SCN9A: variants seen among roughly 807,000 people sequenced by gnomAD.
SCN9A encodes sodium channel protein type 9 subunit alpha.
In SCN9A, 131 loss-of-function variants were observed where a neutral mutation model predicts 187.0. The observed-to-expected ratio is 0.70, with a 90% CI of 0.61 to 0.81. SCN9A has a LOEUF of 0.81. SCN9A is among the 30% of genes least tolerant of loss of function. The pLI, the probability that SCN9A is intolerant of heterozygous loss-of-function variation, is 0.00. For synonymous variants in SCN9A, 809 were observed against 808.6 expected (o/e 1.00, Z -0.01); for missense variants, 2,252 against 2,396.6 (o/e 0.94, Z 1.26).
At chr2:166,270,900 C>A (rs979999109) in intron 17 of SCN9A, among the ~76,000 whole-genome samples, 8 of 151,802 alleles carry the variant, frequency 5.3e-5, no homozygotes, top group African/African-American at 1.9e-4. Context: ...CAAATACTTT[C>A]TAACATGAGC....
chr2:166,199,985 T>A lies in SCN9A; in HGVS notation c.4775-121A>T, dbSNP rs1490474914. 9.9e-6 allele frequency: 3 copies of A among 303,282 alleles called. No homozygotes were observed. In the African/African-American group the frequency reaches 2.1e-4, roughly 21 times the overall value. The allele number at this position is 303,282 out of a possible 1,614,324, so 18.8% of individuals were successfully genotyped here. On this transcript the variant is annotated intron_variant, in intron 26 of 26. Transcript: ENST00000642356. ...TATGAATTCAAGACAGTTTTTTTTT[T>A]TTTTTTTTTTTTTTTTTTTTTTTTT...
intron 17 of SCN9A, among the ~76,000 whole-genome samples, chr2:166,263,036 G>A (rs543762865): frequency 6.6e-6 from 1 of 152,028 alleles, no homozygotes; most frequent in South Asian, 2.1e-4. Context: ...GGGCCTTATC[G>A]TGGCAGAAGG....
intron 1 of SCN9A, among the ~76,000 whole-genome samples, chr2:166,312,887 G>GATGA (rs1699004112): frequency 6.6e-6 from 1 of 151,030 alleles, no homozygotes; most frequent in African/African-American, 2.4e-5. Context: ...GCTGTAAACA[G>GATGA]ACGTGCTGTC....
chr2:166,366,660 C>G (rs1003521529), intron 1 of SCN9A, among the ~76,000 whole-genome samples: 2 of 152,132 alleles, frequency 1.3e-5, no homozygotes, highest in Non-Finnish European at 2.9e-5. Context: ...ACACCTTTCA[C>G]TTTTTTATAA....
chr2:166,334,826 C>T (rs745552432), intron 1 of SCN9A, among the ~76,000 whole-genome samples: 3 of 152,122 alleles, frequency 2.0e-5, no homozygotes, highest in Admixed American at 6.6e-5. Context: ...CAAATTAAGT[C>T]ATGTGAGCTT....
At chr2:166,343,476 CT>C (rs1442309962) in intron 1 of SCN9A, among the ~76,000 whole-genome samples, 1 of 151,976 alleles carries the variant, frequency 6.6e-6, no homozygotes, top group African/African-American at 2.4e-5. Flanking sequence ...AAGAGGGAAC[CT>C]TTGGTTTGAG....
At position 166,196,646 on chromosome 2, in the gene SCN9A, T is replaced by A. The variant is rs1693255088; in HGVS notation, c.*2026A>T. ...TGTTAAATTCTTAATTGAATGTATT[T>A]AAAAATCTGATAAATGTAATATATT... On this transcript the variant is annotated 3_prime_UTR_variant, in exon 27 of 27. Transcript: ENST00000642356. 6.6e-6 allele frequency: 1 copy of A among 152,150 alleles called. No homozygotes were observed. Among genetic ancestry groups the A allele is most frequent in the Non-Finnish European group, 1.5e-5 (1 of 67,966 alleles). The allele number at this position is 152,150 out of a possible 1,614,324, so 9.4% of individuals were successfully genotyped here.
chr2:166,324,975 A>G (rs1699329314), intron 1 of SCN9A, among the ~76,000 whole-genome samples: 1 of 152,190 alleles, frequency 6.6e-6, no homozygotes, highest in Admixed American at 6.5e-5. Context: ...TGTTAATAAT[A>G]ATGATGTATC....
intron 20 of SCN9A, among the ~76,000 whole-genome samples, chr2:166,235,938 A>G (rs1695299933): frequency 6.6e-6 from 1 of 152,130 alleles, no homozygotes; most frequent in South Asian, 2.1e-4. Flanking sequence ...AAACAGCCAT[A>G]TCTCTTAATT....
At chr2:166,229,260 T>A (rs756852009) in intron 21 of SCN9A, among the ~76,000 whole-genome samples, 9 of 151,966 alleles carry the variant, frequency 5.9e-5, no homozygotes, top group Middle Eastern at 3.4e-3. Flanking sequence ...ACTAAGATAA[T>A]ATAATAGCTT....
intron 22 of SCN9A, 74 bp from the exon 23 acceptor site, chr2:166,227,797 GT>G (rs1484495334): frequency 1.3e-6 from 1 of 777,504 alleles, no homozygotes; most frequent in African/African-American, 1.7e-5. Context: ...AGTTTTGTCT[GT>G]TTAATGTTAC....
chr2:166,324,394 A>C (rs187773100), intron 1 of SCN9A, among the ~76,000 whole-genome samples: 2 of 152,162 alleles, frequency 1.3e-5, no homozygotes. Flanking sequence ...TATTTAAGAC[A>C]GTGGACAAAT....
chr2:166,214,163 C>G (rs1193187485), intron 24 of SCN9A, among the ~76,000 whole-genome samples: 1 of 152,050 alleles, frequency 6.6e-6, no homozygotes, highest in East Asian at 1.9e-4. Context: ...TTTATAGGCC[C>G]TGACACAGAG....
chr2:166,297,915 C>G (rs1698387537), intron 7 of SCN9A, among the ~76,000 whole-genome samples: 1 of 151,702 alleles, frequency 6.6e-6, no homozygotes, highest in African/African-American at 2.4e-5. Flanking sequence ...GATATTAAAT[C>G]TAATGAAGAT....
intron 1 of SCN9A, among the ~76,000 whole-genome samples, chr2:166,351,527 G>C (rs900344516): frequency 4.6e-5 from 7 of 152,162 alleles, no homozygotes; most frequent in Admixed American, 4.6e-4. Context: ...GTCACAGTTA[G>C]CCATTAGGAA....
In SCN9A at chr2:166,227,658, A is replaced by T; in HGVS notation, c.4260+12T>A. The T allele has an allele frequency of 6.9e-7, 1 of 1,452,188 alleles. No homozygotes were observed. The highest frequency in any genetic ancestry group is 9.5e-7 in the Non-Finnish European group (1 of 1,054,704). 90.0% of individuals were successfully genotyped at this position (1,452,188 alleles called of 1,614,324 possible). On this transcript the variant is annotated intron_variant, in intron 23 of 26. Coordinates refer to ENST00000642356, the MANE Select transcript of SCN9A (RefSeq NM_001365536.1). ...AAAAATAAAGTTTAGTGCTAAGATA[A>T]TCAATACTTACATTAACAGAATCCA...
intron 24 of SCN9A, among the ~76,000 whole-genome samples, chr2:166,214,753 A>G (rs997773975): frequency 6.0e-5 from 9 of 151,180 alleles, no homozygotes; most frequent in East Asian, 2.0e-4. Context: ...TGACCTCGTG[A>G]TCCGCCCGCC....
chr2:166,354,258 A>G (rs973959678), intron 1 of SCN9A, among the ~76,000 whole-genome samples: 5 of 152,242 alleles, frequency 3.3e-5, no homozygotes, highest in African/African-American at 1.2e-4. Flanking sequence ...TGCAAAAAAT[A>G]TAAGGATTCT....
At chr2:166,356,592 A>G (rs1310114576) in intron 1 of SCN9A, among the ~76,000 whole-genome samples, 3 of 152,302 alleles carry the variant, frequency 2.0e-5, no homozygotes, top group African/African-American at 2.4e-5. Flanking sequence ...TCACTCTTCA[A>G]TGTTTCCCAG....
Sources: allele counts gnomAD v4.1 joint callset (sites outside exome capture counted in the v4.1 genomes callset), GRCh38; gene constraint gnomAD v4.1.1; transcripts MANE v1.5; gene names NCBI Gene and HGNC (gene_info 2026-07-23, HGNC 2026-07-21).